Variants in GARIN1A observed in about 807,000 individuals in gnomAD.
GARIN1A encodes golgi associated RAB2 interactor 1A.
the GARIN1A span, among the ~76,000 whole-genome samples, chr7:128,692,059 T>A: frequency 6.6e-6 from 1 of 152,350 alleles, no homozygotes; most frequent in East Asian, 1.9e-4. Flanking sequence ...TGGCCTATTC[T>A]CCATGCCTGG....
chr7:128,680,009 G>A, the GARIN1A span: 1 of 1,480,516 alleles, frequency 6.8e-7, no homozygotes, highest in Non-Finnish European at 9.2e-7. Flanking sequence ...CTAGCCATCT[G>A]ACGCTAAATT....
At chr7:128,675,783 G>A in the GARIN1A span, 1 of 1,613,846 alleles carries the variant, frequency 6.2e-7, no homozygotes, top group African/African-American at 1.3e-5. Flanking sequence ...CCTCCTGATG[G>A]CCAATGTTAC....
the GARIN1A span, chr7:128,697,467 C>G: frequency 3.9e-5 from 6 of 152,412 alleles, no homozygotes; most frequent in Admixed American, 3.9e-4. Flanking sequence ...TGAACGCGCC[C>G]GATCTGGTCT....
the GARIN1A span, among the ~76,000 whole-genome samples, chr7:128,703,595 A>G: frequency 6.6e-6 from 1 of 152,154 alleles, no homozygotes; most frequent in Non-Finnish European, 1.5e-5. Context: ...TGGGCAACAT[A>G]GAGAGATCCC....
At chr7:128,699,240 C>A in the GARIN1A span, among the ~76,000 whole-genome samples, 14,622 of 138,266 alleles carry the variant, frequency 0.11, 1,125 homozygotes, top group African/African-American at 0.15. Context: ...AATTTTGGGG[C>A]CTGTCTGTCC....
chr7:128,672,658 C>CGGGG, the GARIN1A span: 1 of 116,144 alleles, frequency 8.6e-6, no homozygotes, highest in Non-Finnish European at 1.8e-5. Flanking sequence ...GAGGGGGGGG[C>CGGGG]GGGGGGACAA....
At chr7:128,709,140 AAAGCCACATGTTGAG>A in the GARIN1A span, 1 of 152,318 alleles carries the variant, frequency 6.6e-6, no homozygotes, top group Non-Finnish European at 1.5e-5. Context: ...CCCAGAGCTC[AAAGCCACATGTTGAG>A]AAGGGCAGAG....
the GARIN1A span, among the ~76,000 whole-genome samples, chr7:128,673,134 A>C: frequency 6.6e-6 from 1 of 152,126 alleles, no homozygotes; most frequent in Admixed American, 6.5e-5. Flanking sequence ...TCTAGCCTGA[A>C]CCCATGCTCC....
At chr7:128,689,786 T>TG in the GARIN1A span, among the ~76,000 whole-genome samples, 10 of 73,932 alleles carry the variant, frequency 1.4e-4, no homozygotes, top group South Asian at 5.2e-4. Flanking sequence ...GGGAGGGAGG[T>TG]GGGGGGTCAG....
the GARIN1A span, among the ~76,000 whole-genome samples, chr7:128,688,992 G>A: frequency 2.6e-5 from 4 of 151,064 alleles, no homozygotes; most frequent in African/African-American, 4.9e-5. Flanking sequence ...TGGTGGAGAC[G>A]GGGTTTCGCT....
the GARIN1A span, chr7:128,675,595 A>G: frequency 5.5e-6 from 8 of 1,462,734 alleles, no homozygotes; most frequent in Non-Finnish European, 7.6e-6. Flanking sequence ...CCCCAAGATG[A>G]TGTGCCACTT....
the GARIN1A span, chr7:128,675,799 C>G: frequency 6.2e-7 from 1 of 1,613,882 alleles, no homozygotes; most frequent in South Asian, 1.1e-5. Context: ...GTTACCTGGC[C>G]CCAGGGTCCA....
the GARIN1A span, among the ~76,000 whole-genome samples, chr7:128,689,844 C>T: frequency 6.6e-6 from 1 of 151,268 alleles, no homozygotes; most frequent in African/African-American, 2.4e-5. Context: ...GGCACCTCTG[C>T]CCGGCCGCCC....
chr7:128,671,689 AC>A, the GARIN1A span, among the ~76,000 whole-genome samples: 5 of 151,854 alleles, frequency 3.3e-5, no homozygotes, highest in African/African-American at 1.2e-4. Flanking sequence ...GTGTTTAACA[AC>A]TGGTTTGTAG....
At chr7:128,685,413 T>A in the GARIN1A span, 4 of 152,224 alleles carry the variant, frequency 2.6e-5, no homozygotes, top group Non-Finnish European at 5.9e-5. Context: ...AGTCTGCAAA[T>A]GAAAGCTGGA....
chr7:128,684,577 T>TG, the GARIN1A span: 2 of 134,088 alleles, frequency 1.5e-5, no homozygotes, highest in African/African-American at 5.7e-5. Context: ...ATCATGCCAC[T>TG]GTGCTCCAGC....
At chr7:128,696,031 T>C in the GARIN1A span, among the ~76,000 whole-genome samples, 2 of 83,796 alleles carry the variant, frequency 2.4e-5, no homozygotes, top group African/African-American at 4.0e-5. Flanking sequence ...TTTTTTTTTT[T>C]TGACAAGGTC....
At chr7:128,693,425 TC>T in the GARIN1A span, 1 of 154,532 alleles carries the variant, frequency 6.5e-6, no homozygotes. Context: ...TGTTTTGGGG[TC>T]CTGCCACTCT....
chr7:128,687,709 A>G, the GARIN1A span: 3 of 152,136 alleles, frequency 2.0e-5, no homozygotes, highest in Non-Finnish European at 4.4e-5. Context: ...GGAGGAGGAG[A>G]CAGGTTTGGT....
Sources: gnomAD v4.1 joint callset for allele counts (sites outside exome capture counted in the v4.1 genomes callset) on GRCh38, gnomAD v4.1.1 for gene constraint, MANE v1.5 for transcripts, NCBI Gene and HGNC (gene_info 2026-07-23, HGNC 2026-07-21) for gene names.